PCDHGB5: variants seen among roughly 807,000 people sequenced by gnomAD.
PCDHGB5 encodes protocadherin gamma-B5.
Under a neutral mutation model 62.9 loss-of-function variants are expected in PCDHGB5, and 48 were observed. That is an observed-to-expected ratio of 0.76 (90% CI 0.61 to 0.97). The LOEUF is 0.97. PCDHGB5 is among the 50% of genes least tolerant of loss of function. The pLI is 0.00. For synonymous variants in PCDHGB5, 474 were observed against 511.2 expected (o/e 0.93, Z 0.98); for missense variants, 1,118 against 1,198.6 (o/e 0.93, Z 0.99).
chr5:141,404,828 G>T, intron 1 of PCDHGB5: 1 of 1,609,938 alleles, frequency 6.2e-7, no homozygotes, highest in Non-Finnish European at 8.5e-7. Flanking sequence ...CACAGGTGAA[G>T]TGCGCACAGC....
chr5:141,432,763 C>T lies in PCDHGB5; in HGVS notation c.2397+32239C>T. The T allele has an allele frequency of 6.2e-7, 1 of 1,614,152 alleles. No homozygotes were observed. The highest frequency in any genetic ancestry group is 8.5e-7 in the Non-Finnish European group (1 of 1,180,004). ...TCACCGTGGCCGTGGCCGACAGCAT[C>T]CCCCAAGTCCTGGCGGACCTCGGCA... On this transcript the variant is annotated intron_variant, in intron 1 of 3. Transcript: ENST00000617380. This position sits in a 1 kb window ranked among gnomAD's most constrained non-coding sequence, Gnocchi z 6.0.
Position 141,432,849 on chromosome 5 carries a change from T to G in PCDHGB5, c.2397+32325T>G. The G allele has an allele frequency of 1.2e-6, 2 of 1,614,194 alleles. No homozygotes were observed. The highest frequency in any genetic ancestry group is 2.2e-5 in the South Asian group (2 of 91,092). ...CTCACTCTGTACCTGGTGGTAGCGG[T>G]GGCCGCGGTCTCCTGCGTCTTCCTG... On this transcript the variant is annotated intron_variant, in intron 1 of 3. Coordinates refer to ENST00000617380, the MANE Select transcript of PCDHGB5 (RefSeq NM_018925.3). This position sits in a 1 kb window ranked among gnomAD's most constrained non-coding sequence, Gnocchi z 6.0.
chr5:141,413,050 G>C (rs868475186), intron 1 of PCDHGB5: 5 of 939,920 alleles, frequency 5.3e-6, no homozygotes, highest in Middle Eastern at 3.3e-4. Flanking sequence ...CTGCAGGGAA[G>C]CTCACTCCAG....
Position 141,399,794 on chromosome 5 carries a change from C to T in PCDHGB5, c.1667C>T (p.Pro556Leu), listed in dbSNP as rs2093888579. The part of the protein sequence containing the change: ...VLVGDRNDNA[P>L]RVLYPALGPD... ...GTGGGCGACCGAAACGACAACGCAC[C>T]GCGGGTGCTGTACCCCGCGCTGGGT... The change falls in exon 1 of 4, where the codon CCG becomes CTG. Residue 556 changes from proline to leucine, a missense_variant. By Grantham distance (98) the Pro-to-Leu change is moderately conservative (BLOSUM62 -3). Around this residue, in one of 2 missense-constraint regions of PCDHGB5, gnomAD observed 1,034 missense variants for 1,029.1 expected, o/e 1.00. Coordinates refer to ENST00000617380, the MANE Select transcript of PCDHGB5 (RefSeq NM_018925.3). 3 of 1,613,268 alleles carry T rather than the reference C, an allele frequency of 1.9e-6. No homozygotes were observed. Among genetic ancestry groups the T allele is most frequent in the Middle Eastern group, 1.7e-4 (1 of 5,900 alleles).
rs749528675 is a variant in PCDHGB5, at chr5:141,490,604, A to G, written c.2398-4203A>G. On this transcript the variant is annotated intron_variant, in intron 1 of 3. Coordinates refer to ENST00000617380, the MANE Select transcript of PCDHGB5 (RefSeq NM_018925.3). This position sits in a 1 kb window ranked among gnomAD's most constrained non-coding sequence, Gnocchi z 5.4. ...GTCAATGACAATGCACCCCGCTTCA[A>G]CCAGCAGCTTTACACTGCTTACATC... is the stretch of plus-strand genomic sequence containing the variant. 13 of 1,614,192 alleles carry G rather than the reference A, an allele frequency of 8.1e-6. No homozygotes were observed. Among genetic ancestry groups the G allele is most frequent in the Non-Finnish European group, 1.1e-5 (13 of 1,180,022 alleles).
intron 3 of PCDHGB5, among the ~76,000 whole-genome samples, chr5:141,505,981 A>G (rs1285802357): frequency 6.6e-6 from 1 of 151,898 alleles, no homozygotes; most frequent in Non-Finnish European, 1.5e-5. Context: ...CCGAGAGAAC[A>G]CCTCCTCTTT....
intron 1 of PCDHGB5, chr5:141,427,265 C>T (rs767369457): frequency 6.1e-5 from 28 of 456,570 alleles, no homozygotes; most frequent in Non-Finnish European, 1.1e-4. Context: ...GCATGACCAG[C>T]GAATGTAAAA....
At chr5:141,472,010 C>T (rs1305786275) in intron 1 of PCDHGB5, among the ~76,000 whole-genome samples, 1 of 151,978 alleles carries the variant, frequency 6.6e-6, no homozygotes, top group Non-Finnish European at 1.5e-5. Flanking sequence ...CGTATAGGGG[C>T]ACTATATTGT....
At position 141,476,387 on chromosome 5, in the gene PCDHGB5, C is replaced by T. The variant is rs147660262; in HGVS notation, c.2398-18420C>T. The T allele has an allele frequency of 6.2e-6, 10 of 1,613,958 alleles. No homozygotes were observed. Among genetic ancestry groups the T allele is most frequent in the Non-Finnish European group, 7.6e-6 (9 of 1,180,032 alleles). ...GACCGGAGAGATGTTTGTGAACGAC[C>T]GTCTGGATCGAGAGGAGCTGTGTGG... On this transcript the variant is annotated intron_variant, in intron 1 of 3. Coordinates refer to ENST00000617380, the MANE Select transcript of PCDHGB5 (RefSeq NM_018925.3). This position sits in a 1 kb window ranked among gnomAD's most constrained non-coding sequence, Gnocchi z 7.6.
At chr5:141,404,516 T>G (rs968433488) in intron 1 of PCDHGB5, 1 of 1,613,754 alleles carries the variant, frequency 6.2e-7, no homozygotes, top group African/African-American at 1.3e-5. Flanking sequence ...CTCCTTTGAC[T>G]ATGAGCAGTT....
chr5:141,474,188 T>C (rs1203777014), intron 1 of PCDHGB5, among the ~76,000 whole-genome samples: 1 of 152,216 alleles, frequency 6.6e-6, no homozygotes, highest in Non-Finnish European at 1.5e-5. Context: ...CTACTTACAT[T>C]TTTAAAAGCT....
chr5:141,434,132 G>A (rs2097674012), intron 1 of PCDHGB5, among the ~76,000 whole-genome samples: 1 of 152,194 alleles, frequency 6.6e-6, no homozygotes, highest in South Asian at 2.1e-4. Context: ...CCTTTAGGCT[G>A]ATTTCTATGT....
intron 1 of PCDHGB5, 63 bp from the exon 2 acceptor site, chr5:141,494,744 G>T: frequency 6.2e-7 from 1 of 1,612,702 alleles, no homozygotes; most frequent in South Asian, 1.1e-5. Flanking sequence ...CATCCCTAGG[G>T]GCTCGGGTGA....
Position 141,432,169 on chromosome 5 carries a change from C to T in PCDHGB5, c.2397+31645C>T. On this transcript the variant is annotated intron_variant, in intron 1 of 3. Transcript: ENST00000617380. The surrounding 1 kb of genome is among the most constrained non-coding windows in gnomAD (Gnocchi z 6.0). ...CAGAGAACAATCCCAGAGGAGTTTCCCTCGTCTCTGTGACCGCCCACGACC... is the reference window on the plus strand; with the variant it reads ...CAGAGAACAATCCCAGAGGAGTTTCTCTCGTCTCTGTGACCGCCCACGACC... The T allele has an allele frequency of 6.2e-7, 1 of 1,614,204 alleles. No homozygotes were observed. The highest frequency in any genetic ancestry group is 1.6e-4 in the Middle Eastern group (1 of 6,062).
In PCDHGB5 at chr5:141,490,262, G is replaced by A; in HGVS notation, c.2398-4545G>A. 1.2e-6 allele frequency: 2 copies of A among 1,614,206 alleles called. No homozygotes were observed. Among genetic ancestry groups the A allele is most frequent in the South Asian group, 1.1e-5 (1 of 91,086 alleles). On this transcript the variant is annotated intron_variant, in intron 1 of 3. Transcript: ENST00000617380. The surrounding 1 kb of genome is among the most constrained non-coding windows in gnomAD (Gnocchi z 5.4). ...CACTGTGTGATTCAAGTGGATGTGGGGGATGTCAATGACAATGCCCCAGAG... is the reference window on the plus strand; with the variant it reads ...CACTGTGTGATTCAAGTGGATGTGGAGGATGTCAATGACAATGCCCCAGAG...
intron 1 of PCDHGB5, among the ~76,000 whole-genome samples, chr5:141,484,021 G>A (rs892390865): frequency 2.6e-5 from 4 of 151,080 alleles, no homozygotes; most frequent in African/African-American, 9.7e-5. Context: ...GGGGTGGGGT[G>A]AGATCAAGTC....
chr5:141,403,384 A>C lies in PCDHGB5; in HGVS notation c.2397+2860A>C, dbSNP rs201959000. 4.4e-4 allele frequency: 703 copies of C among 1,614,030 alleles called. No homozygotes were observed. Among genetic ancestry groups the C allele is most frequent in the Non-Finnish European group, 5.5e-4 (652 of 1,179,890 alleles). ...AAAGTCTGGAAGTAAAAATTAACGA[A>C]ATCGCGGTTCCTGGAGCACGTTATC... On this transcript the variant is annotated intron_variant, in intron 1 of 3. Coordinates refer to ENST00000617380, the MANE Select transcript of PCDHGB5 (RefSeq NM_018925.3).
In PCDHGB5 at chr5:141,400,005, T is replaced by A; in HGVS notation, c.1878T>A (p.Arg626=). 1 of 1,612,520 alleles carries A rather than the reference T, an allele frequency of 6.2e-7. No individual in the cohort carries two copies. The highest frequency in any genetic ancestry group is 8.5e-7 in the Non-Finnish European group (1 of 1,179,610). ...GLRTGEVRTA[R]ALGDRDAARQ... ...GCACAGGAGAGGTGCGCACAGCGCGTGCCTTGGGCGACAGGGACGCGGCCC... is the reference window on the plus strand; with the variant it reads ...GCACAGGAGAGGTGCGCACAGCGCGAGCCTTGGGCGACAGGGACGCGGCCC... The change falls in exon 1 of 4, where the codon CGT becomes CGA. Residue 626 remains arginine, a synonymous_variant. Coordinates refer to ENST00000617380, the MANE Select transcript of PCDHGB5 (RefSeq NM_018925.3).
intron 1 of PCDHGB5, chr5:141,424,460 C>T (rs2096822106): frequency 6.6e-6 from 1 of 152,056 alleles, no homozygotes; most frequent in African/African-American, 2.4e-5. Context: ...GTATTATTTC[C>T]TTTTATTCTT....
Sources: gnomAD v4.1 joint callset for allele counts (sites outside exome capture counted in the v4.1 genomes callset) on GRCh38, gnomAD v4.1.1 for gene constraint, gnomAD v4.1.1 regional missense constraint, Gnocchi (gnomAD v3.1) non-coding constraint, MANE v1.5 for transcripts, NCBI Gene and HGNC (gene_info 2026-07-23, HGNC 2026-07-21) for gene names.